GRK5: variants seen among roughly 807,000 people sequenced by gnomAD.
The protein encoded by GRK5 is G protein-coupled receptor kinase 5.
GRK5 carries 40 observed loss-of-function variants against 78.4 expected under a neutral mutation model. The ratio of observed to expected loss-of-function variants is 0.51; its 90% CI spans 0.40 to 0.66. The LOEUF (loss-of-function observed/expected upper bound fraction) is 0.66. GRK5 is among the 30% of genes least tolerant of loss of function. GRK5 has a pLI of 0.00. For synonymous variants in GRK5, 289 were observed against 296.8 expected, an observed-to-expected ratio of 0.97 and a Z score of 0.27; for missense variants, 598 against 759.9, an observed-to-expected ratio of 0.79 and a Z score of 2.50.
At chr10:119,273,498 G>A (rs1006060668) in intron 1 of GRK5, among the ~76,000 whole-genome samples, 1 of 152,150 alleles carries the variant, frequency 6.6e-6, no homozygotes, top group Admixed American at 6.5e-5. Flanking sequence ...TCTGGGGCAG[G>A]GTGCTAGCTT....
At chr10:119,249,999 G>A (rs1849175685) in intron 1 of GRK5, among the ~76,000 whole-genome samples, 2 of 152,086 alleles carry the variant, frequency 1.3e-5, no homozygotes. Context: ...CTGCTTTCCC[G>A]CATTCTTGGC....
chr10:119,430,191 C>A lies in GRK5; in HGVS notation c.534-184C>A, dbSNP rs1028863226. Among the ~76,000 whole-genome samples, 1 of 152,120 alleles carries A rather than the reference C, an allele frequency of 6.6e-6. No homozygotes were observed. Among genetic ancestry groups the A allele is most frequent in the Non-Finnish European group, 1.5e-5 (1 of 67,998 alleles). ...GGGGCCAGGGGGCTTGGGATTTGAACACTCAGCTTCAGACTAAGTCCTCGA... is the reference window on the plus strand; with the variant it reads ...GGGGCCAGGGGGCTTGGGATTTGAAAACTCAGCTTCAGACTAAGTCCTCGA... On this transcript the variant is annotated intron_variant, in intron 6 of 15. Transcript: ENST00000392870. This position sits in a 1 kb window ranked among gnomAD's most constrained non-coding sequence, Gnocchi z 4.5.
intron 8 of GRK5, among the ~76,000 whole-genome samples, chr10:119,433,777 T>C (rs182189824): frequency 6.6e-6 from 1 of 152,322 alleles, no homozygotes; most frequent in East Asian, 1.9e-4. Context: ...ACCATGGCCT[T>C]GCTTCACAGA....
rs1403508645 is a variant in GRK5 at position 119,267,154 on chromosome 10, A to G, written c.52+59185A>G. ...GCTACTCAGGATGCTGAGGAAGGAG[A>G]ATTGCTTGAACCTGCGAGGCGGAGG... On this transcript the variant is annotated intron_variant, in intron 1 of 15. Transcript: ENST00000392870. The surrounding 1 kb of genome is among the most constrained non-coding windows in gnomAD (Gnocchi z 4.1). 6.6e-6 allele frequency among the ~76,000 whole-genome samples: 1 copy of G among 151,970 alleles called. No homozygotes were observed. The highest frequency in any genetic ancestry group is 2.4e-5 in the African/African-American group (1 of 41,450).
intron 4 of GRK5, among the ~76,000 whole-genome samples, chr10:119,407,851 C>G (rs575550047): frequency 2.6e-4 from 40 of 152,150 alleles, no homozygotes; most frequent in South Asian, 1.9e-3. Flanking sequence ...CAGCGAGACC[C>G]CCATCTCTAC....
At chr10:119,243,327 T>C (rs1849055332) in intron 1 of GRK5, among the ~76,000 whole-genome samples, 1 of 152,238 alleles carries the variant, frequency 6.6e-6, no homozygotes, top group Non-Finnish European at 1.5e-5. Flanking sequence ...TTGTCCCATC[T>C]GATGGGTTAT....
chr10:119,287,779 G>A (rs55685636), intron 1 of GRK5, among the ~76,000 whole-genome samples: 32,158 of 152,126 alleles, frequency 0.21, 3,547 homozygotes, highest in Middle Eastern at 0.29. Context: ...ATCCAGCGCC[G>A]GGGCTATGTG....
chr10:119,379,459 C>T lies in GRK5; in HGVS notation c.149-1356C>T, dbSNP rs1851677271. ...TTTGAGACTAAGAATCAAAGTGTGC[C>T]AGCGCAGTGGTTGTGTTCATATCCC... On this transcript the variant is annotated intron_variant, in intron 2 of 15. Coordinates refer to ENST00000392870, the MANE Select transcript of GRK5 (RefSeq NM_005308.3). The surrounding 1 kb of genome is among the most constrained non-coding windows in gnomAD (Gnocchi z 4.1). 1.3e-5 allele frequency among the ~76,000 whole-genome samples: 2 copies of T among 152,210 alleles called. No homozygotes were observed. Among genetic ancestry groups the T allele is most frequent in the Non-Finnish European group, 1.5e-5 (1 of 68,040 alleles).
At chr10:119,232,888 C>T (rs894989277) in intron 1 of GRK5, among the ~76,000 whole-genome samples, 9 of 152,188 alleles carry the variant, frequency 5.9e-5, no homozygotes, top group African/African-American at 2.2e-4. Context: ...TGCTAATTAC[C>T]CTGATCTGAT....
At chr10:119,307,888 C>G (rs1417493680) in intron 1 of GRK5, among the ~76,000 whole-genome samples, 1 of 152,214 alleles carries the variant, frequency 6.6e-6, no homozygotes, top group Admixed American at 6.5e-5. Flanking sequence ...TTCTAGGAAG[C>G]CTTTTAAAGC....
chr10:119,415,266 C>T (rs1852428091), intron 4 of GRK5, among the ~76,000 whole-genome samples: 1 of 151,830 alleles, frequency 6.6e-6, no homozygotes. Context: ...GGGGTTTGGA[C>T]ATGCCATGAA....
At chr10:119,399,499 G>A (rs1411565496) in intron 4 of GRK5, among the ~76,000 whole-genome samples, 2 of 152,220 alleles carry the variant, frequency 1.3e-5, no homozygotes, top group Non-Finnish European at 2.9e-5. Context: ...TCCTCAGTAT[G>A]TAGCTTGTGT....
chr10:119,401,312 C>T (rs1168928345), intron 4 of GRK5, among the ~76,000 whole-genome samples: 1 of 152,206 alleles, frequency 6.6e-6, no homozygotes, highest in East Asian at 1.9e-4. Context: ...AAGTTTTTAT[C>T]TCAAGAGGCA....
At chr10:119,409,232 T>C (rs1025464825) in intron 4 of GRK5, among the ~76,000 whole-genome samples, 3 of 152,314 alleles carry the variant, frequency 2.0e-5, no homozygotes, top group Admixed American at 6.5e-5. Flanking sequence ...GTCCTTCAAA[T>C]AGACACACCC....
chr10:119,230,922 A>G (rs1848817761), intron 1 of GRK5, among the ~76,000 whole-genome samples: 1 of 150,892 alleles, frequency 6.6e-6, no homozygotes, highest in Admixed American at 6.6e-5. Context: ...CAGATCTGGC[A>G]GCAGAAGCTG....
chr10:119,344,290 A>G (rs962354511), intron 2 of GRK5, among the ~76,000 whole-genome samples: 1 of 151,772 alleles, frequency 6.6e-6, no homozygotes, highest in African/African-American at 2.4e-5. Context: ...TTAACTCGTC[A>G]TTTACATTAG....
intron 13 of GRK5, 100 bp downstream of exon 13, chr10:119,448,360 CATCG>C: frequency 7.4e-7 from 1 of 1,343,220 alleles, no homozygotes; most frequent in Admixed American, 2.8e-5. Context: ...GTGTGGGGCA[CATCG>C]TGTCTTTGTG....
At chr10:119,372,527 T>G (rs1282389845) in intron 2 of GRK5, among the ~76,000 whole-genome samples, 1 of 152,246 alleles carries the variant, frequency 6.6e-6, no homozygotes, top group Non-Finnish European at 1.5e-5. Context: ...TGCAAGGGAC[T>G]GAAACCCAAC....
chr10:119,290,297 A>C (rs1017086739), intron 1 of GRK5, among the ~76,000 whole-genome samples: 3 of 140,992 alleles, frequency 2.1e-5, no homozygotes, highest in Non-Finnish European at 4.6e-5. Context: ...CAATGAGCTG[A>C]GATCATGCCG....
Sources: gnomAD v4.1 joint callset for allele counts (sites outside exome capture counted in the v4.1 genomes callset) on GRCh38, gnomAD v4.1.1 for gene constraint, Gnocchi (gnomAD v3.1) non-coding constraint, MANE v1.5 for transcripts, NCBI Gene and HGNC (gene_info 2026-07-23, HGNC 2026-07-21) for gene names.